TTLL8: variants seen among roughly 807,000 people sequenced by gnomAD.
The protein encoded by TTLL8 is tubulin tyrosine ligase like 8.
Under a neutral mutation model 77.8 loss-of-function variants are expected in TTLL8, and 65 were observed. The ratio of observed to expected loss-of-function variants is 0.84; its 90% CI spans 0.68 to 1.03. TTLL8 has a LOEUF of 1.03. TTLL8 is among the 50% of genes least tolerant of loss of function. The probability of loss-of-function intolerance (pLI) is 0.00; values close to 1 mark genes in which losing one functional copy is unlikely to be tolerated. For missense variants in TTLL8, 910 were observed against 1,004.5 expected, an observed-to-expected ratio of 0.91 and a Z score of 1.27; for synonymous variants, 402 against 422.8, an observed-to-expected ratio of 0.95 and a Z score of 0.60.
chr22:50,041,489 A>C lies in TTLL8; in HGVS notation c.830+132T>G. 8.3e-7 allele frequency: 1 copy of C among 1,208,158 alleles called. No individual in the cohort carries two copies. Among genetic ancestry groups the C allele is most frequent in the South Asian group, 1.5e-5 (1 of 64,794 alleles). The allele number at this position is 1,208,158 out of a possible 1,614,324, so 74.8% of individuals were successfully genotyped here. A position where few individuals can be genotyped will look rare whatever the true frequency, so the allele number is the denominator to read the frequency against. On this transcript the variant is annotated intron_variant, in intron 7 of 13. Transcript: ENST00000266182. This position sits in a 1 kb window ranked among gnomAD's most constrained non-coding sequence, Gnocchi z 4.3. The stretch of plus-strand genomic sequence containing the variant: ...GCCCCAACGCCAGGACAGGCATCTC[A>C]ACACTCAATACCCCACAGGTAGCCT...
intron 12 of TTLL8, among the ~76,000 whole-genome samples, chr22:50,018,764 C>A (rs1569216734): frequency 6.6e-6 from 1 of 152,208 alleles, no homozygotes; most frequent in Non-Finnish European, 1.5e-5. Context: ...TGTACTCCTG[C>A]TGCAGAGAAT....
Position 50,050,261 on chromosome 22 carries a change from A to T in TTLL8, c.52-14T>A. On this transcript the variant is annotated splice_polypyrimidine_tract_variant and intron_variant, in intron 1 of 13. Transcript: ENST00000266182. ...AATCTTCTTCTCCTAAAATGGCAAGAGGATATTTTATTTTATTTCAATCAT... is the reference window on the plus strand; with the variant it reads ...AATCTTCTTCTCCTAAAATGGCAAGTGGATATTTTATTTTATTTCAATCAT... The T allele has an allele frequency of 7.6e-7, 1 of 1,307,210 alleles. No individual in the cohort carries two copies. The highest frequency in any genetic ancestry group is 1.2e-5 in the South Asian group (1 of 81,008). The allele number at this position is 1,307,210 out of a possible 1,614,324, so 81.0% of individuals were successfully genotyped here.
upstream of TTLL8, chr22:50,055,194 A>T (rs1207329082): frequency 7.8e-7 from 1 of 1,277,568 alleles, no homozygotes; most frequent in Non-Finnish European, 1.0e-6. Flanking sequence ...TCCTTTTAAA[A>T]AAGTGTCCCC....
chr22:50,057,377 T>G (rs1486780681), upstream of TTLL8, among the ~76,000 whole-genome samples: 1 of 46,948 alleles, frequency 2.1e-5, no homozygotes, highest in Non-Finnish European at 3.3e-5. Context: ...GGTTGGGGGA[T>G]CAGGTCTGGG....
chr22:50,054,522 C>G (rs1292469988), intron 1 of TTLL8: 1 of 183,606 alleles, frequency 5.4e-6, no homozygotes. Context: ...TCTGCACACA[C>G]AGGTGGAGGC....
rs150239991 is a variant in TTLL8 at position 50,037,452 on chromosome 22, G to A, written c.922-2990C>T. Among the ~76,000 whole-genome samples, 463 of 152,274 alleles carry A rather than the reference G, an allele frequency of 3.0e-3. 3 individuals carry two copies. Among genetic ancestry groups the A allele is most frequent in the African/African-American group, 9.4e-3 (391 of 41,556 alleles). On this transcript the variant is annotated intron_variant, in intron 8 of 13. Coordinates refer to ENST00000266182, the Ensembl canonical transcript of TTLL8. ...GAACTCCTGACCTCATGATCTGCCC[G>A]CCTCGGCCTAGTGCTGGGATTACAG...
intron 12 of TTLL8, among the ~76,000 whole-genome samples, chr22:50,021,467 GTGCACTCCTCCATCTGACA>G (rs2061199567): frequency 1.5e-5 from 2 of 132,216 alleles, no homozygotes. Flanking sequence ...ATGTGACGAC[GTGCACTCCTCCATCTGACA>G]TGCACTCCTC....
intron 12 of TTLL8, chr22:50,030,185 A>G: frequency 1.0e-6 from 1 of 984,910 alleles, no homozygotes; most frequent in Non-Finnish European, 1.2e-6. Context: ...TACAGAGGGG[A>G]CCCCACCATC....
chr22:50,019,055 A>G (rs1420628313), intron 12 of TTLL8, among the ~76,000 whole-genome samples: 2 of 152,238 alleles, frequency 1.3e-5, no homozygotes, highest in Non-Finnish European at 2.9e-5. Flanking sequence ...GCAGGAAGTC[A>G]GAAGGGAGCA....
rs1419821942 is a variant in TTLL8, at chr22:50,034,710, A to G, written c.922-248T>C. ...CTCCAGACGAGGGCTGTGTTAAGAC[A>G]GTGGGGACCCCGGTGTGTGGGTCGG... is the stretch of plus-strand genomic sequence containing the variant. On this transcript the variant is annotated intron_variant, in intron 8 of 13. Transcript: ENST00000266182. The surrounding 1 kb of genome is among the most constrained non-coding windows in gnomAD (Gnocchi z 4.1). Among the ~76,000 whole-genome samples the G allele has an allele frequency of 2.7e-5, 4 of 149,406 alleles. No individual in the cohort carries two copies. Among genetic ancestry groups the G allele is most frequent in the Non-Finnish European group, 4.4e-5 (3 of 67,598 alleles).
intron 12 of TTLL8, among the ~76,000 whole-genome samples, chr22:50,019,721 G>T (rs927626782): frequency 3.9e-5 from 6 of 152,218 alleles, no homozygotes; most frequent in Non-Finnish European, 7.3e-5. Flanking sequence ...GCACCATGCC[G>T]AGGAGCCCTT....
At chr22:50,054,926 G>A (rs780624552), upstream of TTLL8, among the ~76,000 whole-genome samples, 1 of 152,124 alleles carries the variant, frequency 6.6e-6, no homozygotes, top group Non-Finnish European at 1.5e-5. Context: ...TGGGCATGGT[G>A]GCGTGCACCT....
chr22:50,056,102 A>T (rs137917), upstream of TTLL8, among the ~76,000 whole-genome samples: 571 of 152,370 alleles, frequency 3.7e-3, 8 homozygotes, highest in Middle Eastern at 6.8e-3. The surrounding 1 kb of genome is among the most constrained non-coding windows in gnomAD (Gnocchi z 4.1). Context: ...TAAATAAAAT[A>T]AAATTAAATT....
chr22:50,028,006 A>G (rs1447711092), intron 12 of TTLL8, among the ~76,000 whole-genome samples: 1 of 152,150 alleles, frequency 6.6e-6, no homozygotes, highest in Non-Finnish European at 1.5e-5. Context: ...TCGGCTTTGG[A>G]AGCAGCTGGT....
upstream of TTLL8, chr22:50,055,263 C>T (rs1396380110): frequency 6.2e-6 from 8 of 1,289,828 alleles, no homozygotes; most frequent in East Asian, 3.9e-4. Context: ...AACTGCCTTG[C>T]TATTTTGTAT....
chr22:50,025,085 T>C (rs1383416504), intron 12 of TTLL8, among the ~76,000 whole-genome samples: 1 of 151,882 alleles, frequency 6.6e-6, no homozygotes, highest in Non-Finnish European at 1.5e-5. Flanking sequence ...GACCAAAATG[T>C]GAAAGTCAAA....
At chr22:50,050,343 G>A in intron 1 of TTLL8, 96 bp from the exon 4 acceptor site, 1 of 842,764 alleles carries the variant, frequency 1.2e-6, no homozygotes, top group Non-Finnish European at 1.7e-6. Flanking sequence ...GCTGGTTTCT[G>A]AGATTTGGGG....
At chr22:50,045,721 C>A in intron 5 of TTLL8, 135 bp downstream of exon 7, 1 of 1,210,936 alleles carries the variant, frequency 8.3e-7, no homozygotes, top group Admixed American at 3.0e-5. Context: ...ACTGCCATGA[C>A]CATGACCATG....
At position 50,034,014 on chromosome 22, in the gene TTLL8, C is replaced by T. The variant is rs372631755; in HGVS notation, c.1039+331G>A. ...CGCCACTGCACTTCAGCCTGGGCAACAAGAGTGAAACTCCGTTTCAAAAAA... is the reference window on the plus strand; with the variant it reads ...CGCCACTGCACTTCAGCCTGGGCAATAAGAGTGAAACTCCGTTTCAAAAAA... On this transcript the variant is annotated intron_variant, in intron 9 of 13. Coordinates refer to ENST00000266182, the Ensembl canonical transcript of TTLL8. The surrounding 1 kb of genome is among the most constrained non-coding windows in gnomAD (Gnocchi z 4.1). Among the ~76,000 whole-genome samples the T allele has an allele frequency of 1.3e-5, 2 of 151,922 alleles. No homozygotes were observed. The highest frequency in any genetic ancestry group is 4.8e-5 in the African/African-American group (2 of 41,326).
Sources: gnomAD v4.1 joint callset for allele counts (sites outside exome capture counted in the v4.1 genomes callset) on GRCh38, gnomAD v4.1.1 for gene constraint, Gnocchi (gnomAD v3.1) non-coding constraint, MANE v1.5 for transcripts, NCBI Gene and HGNC (gene_info 2026-07-23, HGNC 2026-07-21) for gene names.